The following CFAP299 variants were observed in gnomAD, a reference collection of about 807,000 sequenced individuals.
CFAP299 encodes cilia- and flagella-associated protein 299.
CFAP299 carries 21 observed loss-of-function variants against 27.0 expected under a neutral mutation model. That is an observed-to-expected ratio of 0.78 (90% CI 0.55 to 1.12). The LOEUF (loss-of-function observed/expected upper bound fraction) is 1.12. Ranked by LOEUF, CFAP299 falls within the 50% of genes most tolerant of loss-of-function variation. The pLI is 0.00. For missense variants in CFAP299, 310 were observed against 276.6 expected, an observed-to-expected ratio of 1.12 and a Z score of -0.86; for synonymous variants, 104 against 98.1, an observed-to-expected ratio of 1.06 and a Z score of -0.36.
At chr4:80,447,644 G>A (rs1302661434) in intron 2 of CFAP299, among the ~76,000 whole-genome samples, 1 of 151,500 alleles carries the variant, frequency 6.6e-6, no homozygotes, top group Non-Finnish European at 1.5e-5. Context: ...GTAGAGATGG[G>A]GTTTCACCAT....
chr4:80,503,223 A>G (rs1731826182), intron 2 of CFAP299, among the ~76,000 whole-genome samples: 2 of 152,046 alleles, frequency 1.3e-5, no homozygotes, highest in South Asian at 4.1e-4. Context: ...CCTTAATTTA[A>G]TTTTTATCTG....
chr4:80,900,137 T>TG (rs1734814982), intron 4 of CFAP299, among the ~76,000 whole-genome samples: 1 of 151,078 alleles, frequency 6.6e-6, no homozygotes, highest in Non-Finnish European at 1.5e-5. Context: ...TGTGTGTGTG[T>TG]GTGTGTGTGT....
intron 3 of CFAP299, among the ~76,000 whole-genome samples, chr4:80,771,953 G>A (rs1182482843): frequency 6.6e-6 from 1 of 152,090 alleles, no homozygotes; most frequent in Non-Finnish European, 1.5e-5. Context: ...AATTTTTATT[G>A]TTATAGCGAA....
At chr4:80,933,155 TCTTTC>T (rs769820913) in intron 4 of CFAP299, among the ~76,000 whole-genome samples, 4 of 148,248 alleles carry the variant, frequency 2.7e-5, no homozygotes, top group Non-Finnish European at 4.4e-5. Context: ...TCCTTTTCTT[TCTTTC>T]CTTTCCTTTC....
At chr4:80,540,033 GCTGT>G (rs67487648) in intron 2 of CFAP299, among the ~76,000 whole-genome samples, 54,446 of 151,752 alleles carry the variant, frequency 0.36, 12,605 homozygotes, top group African/African-American at 0.66. Context: ...TAAAAGCTGC[GCTGT>G]CTTAGTCAAG....
chr4:80,892,656 AG>A (rs1303963149), intron 4 of CFAP299, among the ~76,000 whole-genome samples: 1 of 152,214 alleles, frequency 6.6e-6, no homozygotes, highest in Non-Finnish European at 1.5e-5. Flanking sequence ...TAAATAAAAA[AG>A]GCATTTAATA....
intron 1 of CFAP299, among the ~76,000 whole-genome samples, chr4:80,340,014 A>G (rs1722361258): frequency 6.6e-6 from 1 of 152,212 alleles, no homozygotes; most frequent in Non-Finnish European, 1.5e-5. Context: ...CCCATTATTT[A>G]TAAAATAGAA....
chr4:80,851,743 G>A (rs779314161), intron 3 of CFAP299, among the ~76,000 whole-genome samples: 11 of 152,038 alleles, frequency 7.2e-5, no homozygotes, highest in Admixed American at 7.2e-4. Flanking sequence ...CCATTTTCAG[G>A]GATATTCAAT....
At chr4:80,408,178 A>G (rs1726529396) in intron 2 of CFAP299, among the ~76,000 whole-genome samples, 1 of 152,216 alleles carries the variant, frequency 6.6e-6, no homozygotes, top group African/African-American at 2.4e-5. Context: ...TCAGCTGTAG[A>G]GTGTTATGTG....
chr4:80,409,101 A>G (rs1370227330), intron 2 of CFAP299, among the ~76,000 whole-genome samples: 1 of 151,898 alleles, frequency 6.6e-6, no homozygotes, highest in Non-Finnish European at 1.5e-5. Flanking sequence ...AGGAAACTAT[A>G]TAATTCTGAC....
intron 4 of CFAP299, among the ~76,000 whole-genome samples, chr4:80,895,462 T>G (rs1364900306): frequency 1.3e-5 from 2 of 152,066 alleles, no homozygotes; most frequent in African/African-American, 4.8e-5. Flanking sequence ...ATTAGAAATG[T>G]CAATAGGCTT....
chr4:80,432,730 C>T (rs1352967803), intron 2 of CFAP299, among the ~76,000 whole-genome samples: 1 of 151,412 alleles, frequency 6.6e-6, no homozygotes, highest in African/African-American at 2.4e-5. Context: ...GATGGGGTTT[C>T]TGTGTTAGCC....
chr4:80,449,236 G>A (rs1165577415), intron 2 of CFAP299, among the ~76,000 whole-genome samples: 1 of 151,630 alleles, frequency 6.6e-6, no homozygotes, highest in Non-Finnish European at 1.5e-5. Flanking sequence ...ATGTTTTGTG[G>A]ATAGAGATGA....
chr4:80,742,138 A>G (rs1179012492), intron 3 of CFAP299, among the ~76,000 whole-genome samples: 1 of 152,168 alleles, frequency 6.6e-6, no homozygotes, highest in Non-Finnish European at 1.5e-5. Flanking sequence ...TTTCAGTGAT[A>G]TGCAGTTAAA....
At chr4:80,695,327 G>T (rs958645556) in intron 3 of CFAP299, among the ~76,000 whole-genome samples, 2 of 152,180 alleles carry the variant, frequency 1.3e-5, no homozygotes, top group East Asian at 1.9e-4. Context: ...AAGCCTTATT[G>T]CTTAATTTTG....
At chr4:80,424,170 G>T (rs1046685632) in intron 2 of CFAP299, among the ~76,000 whole-genome samples, 4 of 152,146 alleles carry the variant, frequency 2.6e-5, no homozygotes, top group Non-Finnish European at 5.9e-5. Context: ...CATTTTGGAA[G>T]AGGAAGGGAA....
the CFAP299 span, among the ~76,000 whole-genome samples, chr4:80,326,796 G>A: frequency 1.3e-5 from 2 of 151,964 alleles, no homozygotes; most frequent in Admixed American, 1.3e-4. Flanking sequence ...AATATCAAAT[G>A]ATTAATTTTA....
chr4:80,625,458 G>A (rs1049973570), intron 3 of CFAP299, among the ~76,000 whole-genome samples: 1 of 151,910 alleles, frequency 6.6e-6, no homozygotes, highest in African/African-American at 2.4e-5. Context: ...CAGAAAAAGA[G>A]AAAGAGACAG....
chr4:80,460,323 C>G (rs1045121110), intron 2 of CFAP299, among the ~76,000 whole-genome samples: 3 of 152,136 alleles, frequency 2.0e-5, no homozygotes, highest in African/African-American at 7.2e-5. Context: ...AGATTTTTCT[C>G]TACAGATGCA....
Sources: gnomAD v4.1 joint callset for allele counts (sites outside exome capture counted in the v4.1 genomes callset) on GRCh38, gnomAD v4.1.1 for gene constraint, MANE v1.5 for transcripts, NCBI Gene and HGNC (gene_info 2026-07-23, HGNC 2026-07-21) for gene names.